PAEP: variants seen among roughly 807,000 people sequenced by gnomAD.
The protein encoded by PAEP is glycodelin.
PAEP carries 28 observed loss-of-function variants against 23.0 expected under a neutral mutation model. The ratio of observed to expected loss-of-function variants is 1.22; its 90% CI spans 0.90 to 1.67. PAEP has a LOEUF of 1.67. PAEP is among the 40% of genes most tolerant of loss of function. The pLI, the probability that PAEP is intolerant of heterozygous loss-of-function variation, is 0.00. For missense variants in PAEP, 209 were observed against 226.4 expected, an observed-to-expected ratio of 0.92 and a Z score of 0.49; for synonymous variants, 103 against 92.4, an observed-to-expected ratio of 1.12 and a Z score of -0.66.
In PAEP at chr9:135,564,459, C is replaced by A; in HGVS notation, c.421+105C>A. Reference sequence around the variant, plus strand: ...AACTGGCTTCCTGTCCACCTCGGTGCCTGTGGGCTGACTTTTTTTTTCTTG... The same window carrying A: ...AACTGGCTTCCTGTCCACCTCGGTGACTGTGGGCTGACTTTTTTTTTCTTG... On this transcript the variant is annotated intron_variant, in intron 4 of 6. Transcript: ENST00000479141. 2.0e-6 allele frequency: 3 copies of A among 1,486,792 alleles called. No individual in the cohort carries two copies. The South Asian group carries it at 4.0e-5, about 20-fold the overall frequency. The allele number at this position is 1,486,792 out of a possible 1,614,324, so 92.1% of individuals were successfully genotyped here.
At chr9:135,564,392 G>C in intron 4 of PAEP, 38 bp downstream of exon 4, 1 of 1,546,622 alleles carries the variant, frequency 6.5e-7, no homozygotes. Flanking sequence ...GTGGGTGAGA[G>C]GCAGCAGCTA....
At chr9:135,563,652 G>A (rs550526296) in intron 3 of PAEP, among the ~76,000 whole-genome samples, 3 of 152,258 alleles carry the variant, frequency 2.0e-5, no homozygotes, top group Admixed American at 1.3e-4. Flanking sequence ...AGAGAGAGGG[G>A]CTTACAGCAT....
At chr9:135,564,382 G>A (rs972591993) in intron 4 of PAEP, 28 bp downstream of exon 4, 7 of 1,547,190 alleles carry the variant, frequency 4.5e-6, no homozygotes, top group African/African-American at 4.1e-5. Context: ...TGAGCTCAAC[G>A]TGGGTGAGAG....
intron 3 of PAEP, among the ~76,000 whole-genome samples, chr9:135,563,630 C>T (rs571592882): frequency 1.3e-5 from 2 of 152,002 alleles, no homozygotes; most frequent in East Asian, 3.9e-4. Flanking sequence ...GCTCCCAGGC[C>T]TCTCTGGGGG....
At position 135,562,862 on chromosome 9, in the gene PAEP, G is replaced by C. The variant is rs1317782689; in HGVS notation, c.279G>C (p.Lys93Asn). The C allele has an allele frequency of 6.2e-7, 1 of 1,613,896 alleles. No individual in the cohort carries two copies. The highest frequency in any genetic ancestry group is 1.3e-5 in the African/African-American group (1 of 74,938). Residue 93 changes from lysine (K) to asparagine (N), a missense_variant, in exon 3 of 7, where the codon AAG becomes AAC. Lys to Asn is a moderately conservative substitution (Grantham distance 94). Transcript: ENST00000479141. Reference sequence around the variant, plus strand: ...TTGAGAAGAAGGTCCTTGGAGAGAAGACTGAGAATCCAAAGAAGTTCAAGA... The same window carrying C: ...TTGAGAAGAAGGTCCTTGGAGAGAACACTGAGAATCCAAAGAAGTTCAAGA... ...SCVEKKVLGE[K>N]TENPKKFKIN...
chr9:135,564,703 C>T, intron 4 of PAEP: 5 of 670,282 alleles, frequency 7.5e-6, no homozygotes, highest in Non-Finnish European at 7.4e-6. Context: ...CGGGGTTTCA[C>T]CATGTTGGCC....
intron 2 of PAEP, 95 bp downstream of exon 2, chr9:135,562,528 C>A: frequency 6.8e-7 from 1 of 1,463,336 alleles, no homozygotes. Context: ...TGGACTTAGC[C>A]CCAGGCATTT....
At chr9:135,564,175 C>G in intron 3 of PAEP, 69 bp from the exon 4 acceptor site, 1 of 1,536,754 alleles carries the variant, frequency 6.5e-7, no homozygotes, top group Non-Finnish European at 8.8e-7. Flanking sequence ...GGGATGTCCA[C>G]ACACCTGCAC....
At chr9:135,562,750 G>C in intron 2 of PAEP, 70 bp from the exon 3 acceptor site, 2 of 1,326,978 alleles carry the variant, frequency 1.5e-6, no homozygotes, top group East Asian at 2.3e-5. Context: ...GTGGTGACCT[G>C]ATTTTAGGAG....
chr9:135,565,098 C>T (rs1832514719), intron 4 of PAEP, among the ~76,000 whole-genome samples: 1 of 152,208 alleles, frequency 6.6e-6, no homozygotes, highest in East Asian at 1.9e-4. Flanking sequence ...GAGAGCCGGG[C>T]ACTGGGAGAG....
intron 3 of PAEP, 90 bp downstream of exon 3, chr9:135,562,983 G>A (rs769991592): frequency 1.0e-6 from 1 of 985,220 alleles, no homozygotes; most frequent in South Asian, 1.3e-5. Flanking sequence ...ATGAGGGAGT[G>A]GGGCCTGGCC....
rs951441442 is a variant in PAEP, at chr9:135,562,023, G to A, written c.96+126G>A. ...CACAGAATGGACGCCATGACGTCAG[G>A]AAGCCCTCAGCCCTGCTCTCCATCT... On this transcript the variant is annotated intron_variant, in intron 1 of 6. Coordinates refer to ENST00000479141, the MANE Select transcript of PAEP (RefSeq NM_002571.4). 3.1e-5 allele frequency: 25 copies of A among 815,826 alleles called. No homozygotes were observed. In the African/African-American group the frequency reaches 3.8e-4, roughly 12 times the overall value. 50.5% of individuals were successfully genotyped at this position (815,826 alleles called of 1,614,324 possible).
chr9:135,565,611 T>C, intron 5 of PAEP, 97 bp downstream of exon 5: 1 of 1,387,614 alleles, frequency 7.2e-7, no homozygotes, highest in Non-Finnish European at 1.0e-6. Flanking sequence ...CTCAGGTCAC[T>C]CCTTTTTGGC....
intron 3 of PAEP, among the ~76,000 whole-genome samples, chr9:135,563,366 G>GTGGGCAGGTGGATAGGTGAACAGC (rs1371016473): frequency 5.3e-5 from 8 of 151,508 alleles, no homozygotes; most frequent in African/African-American, 1.7e-4. Context: ...AGGTGAACAG[G>GTGGGCAGGTGGATAGGTGAACAGC]TGGGCAGGTG....
At chr9:135,565,554 A>C (rs911030127) in intron 5 of PAEP, 40 bp downstream of exon 5, 1 of 1,564,220 alleles carries the variant, frequency 6.4e-7, no homozygotes, top group African/African-American at 1.4e-5. Flanking sequence ...CAGCTGGAGG[A>C]GAAGCTGCCT....
intron 5 of PAEP, 34 bp downstream of exon 5, chr9:135,565,548 TGGA>T: frequency 1.3e-6 from 2 of 1,581,682 alleles, no homozygotes; most frequent in South Asian, 1.1e-5. Context: ...CAGCCTCAGC[TGGA>T]GGAGAAGCTG....
chr9:135,561,853 G>C lies in PAEP; in HGVS notation c.52G>C (p.Ala18Pro). 1 of 1,567,446 alleles carries C rather than the reference G, an allele frequency of 6.4e-7. No individual in the cohort carries two copies. Among genetic ancestry groups the C allele is most frequent in the Non-Finnish European group, 8.7e-7 (1 of 1,155,400 alleles). ...CGTGGCCCTGGTCTGTGGTGTCCCG[G>C]CCATGGACATCCCCCAGACCAAGCA... ...LGVALVCGVP[A>P]MDIPQTKQDL... Residue 18 changes from alanine to proline, a missense_variant, in exon 1 of 7, where the codon GCC (alanine) becomes CCC (proline). Ala to Pro is a conservative substitution (Grantham distance 27). Coordinates refer to ENST00000479141, the MANE Select transcript of PAEP (RefSeq NM_002571.4).
chr9:135,565,477 G>A lies in PAEP; in HGVS notation c.489G>A (p.Arg163=), dbSNP rs749179379. ...TCAGGGCTTTCAGGCCCCTGCCCAGGCACCTATGGTACTTGCTGGACTTGA... is the reference window on the plus strand; with the variant it reads ...TCAGGGCTTTCAGGCCCCTGCCCAGACACCTATGGTACTTGCTGGACTTGA... ...GFIRAFRPLP[R]HLWYLLDLKQ... is the part of the protein sequence containing the mutation. Residue 163 remains arginine (R), a synonymous_variant, in exon 5 of 7, where the codon AGG becomes AGA. Coordinates refer to ENST00000479141, the MANE Select transcript of PAEP (RefSeq NM_002571.4). 1 of 1,614,166 alleles carries A rather than the reference G, an allele frequency of 6.2e-7. No individual in the cohort carries two copies. The highest frequency in any genetic ancestry group is 1.7e-5 in the Admixed American group (1 of 60,030).
chr9:135,564,187 G>A lies in PAEP; in HGVS notation c.311-57G>A, dbSNP rs1425152545. 2.6e-6 allele frequency: 4 copies of A among 1,546,258 alleles called. No homozygotes were observed. In the African/African-American group the frequency reaches 5.5e-5, roughly 21 times the overall value. ...GGTGGGATGTCCACACACCTGCACAGGACTCTGCTGAGACGGAGGCTTCAT... is the reference window on the plus strand; with the variant it reads ...GGTGGGATGTCCACACACCTGCACAAGACTCTGCTGAGACGGAGGCTTCAT... On this transcript the variant is annotated intron_variant, in intron 3 of 6. Coordinates refer to ENST00000479141, the MANE Select transcript of PAEP (RefSeq NM_002571.4).
Sources: gnomAD v4.1 joint callset for allele counts (sites outside exome capture counted in the v4.1 genomes callset) on GRCh38, gnomAD v4.1.1 for gene constraint, MANE v1.5 for transcripts, NCBI Gene and HGNC (gene_info 2026-07-23, HGNC 2026-07-21) for gene names.